CDKN2B-AS1: variants seen among roughly 807,000 people sequenced by gnomAD.
CDKN2B-AS1 encodes the protein CDKN2B and CDKN2A antisense cis and trans regulatory RNA 1, also known as CDKN2B antisense RNA 1 (non-protein coding).
intron 1 of CDKN2B-AS1, chr9:22,004,626 A>T (rs577566745): frequency 4.3e-6 from 1 of 232,602 alleles, no homozygotes; most frequent in East Asian, 6.1e-5. Flanking sequence ...TGATATAATG[A>T]TCAAGCAACC....
At chr9:22,076,671 G>A (rs73448354) in intron 4 of CDKN2B-AS1, among the ~76,000 whole-genome samples, 13,226 of 151,872 alleles carry the variant, frequency 0.087, 1,586 homozygotes, top group African/African-American at 0.28. Context: ...AATCCTGAAC[G>A]CAATACACCA....
intron 4 of CDKN2B-AS1, among the ~76,000 whole-genome samples, chr9:22,070,213 G>C (rs1451381902): frequency 6.6e-6 from 1 of 152,176 alleles, no homozygotes; most frequent in African/African-American, 2.4e-5. Context: ...ACAGGAGTCA[G>C]TAATGTTCCA....
At chr9:22,038,737 C>T (rs990462548) in intron 1 of CDKN2B-AS1, among the ~76,000 whole-genome samples, 2 of 151,970 alleles carry the variant, frequency 1.3e-5, no homozygotes, top group African/African-American at 4.8e-5. Flanking sequence ...AATGCTGATG[C>T]ATTTTTAATG....
intron 4 of CDKN2B-AS1, among the ~76,000 whole-genome samples, chr9:22,095,833 A>G (rs1334838418): frequency 6.7e-6 from 1 of 150,212 alleles, no homozygotes; most frequent in Non-Finnish European, 1.5e-5. Context: ...ATCCCTTACC[A>G]TTATGTAATG....
intron 4 of CDKN2B-AS1, among the ~76,000 whole-genome samples, chr9:22,099,945 A>G (rs1338015286): frequency 6.6e-6 from 1 of 152,136 alleles, no homozygotes; most frequent in Admixed American, 6.5e-5. Context: ...CAGCGGTAGG[A>G]AAATTTTTCA....
intron 4 of CDKN2B-AS1, among the ~76,000 whole-genome samples, chr9:22,081,853 G>A (rs560677764): frequency 1.8e-4 from 27 of 152,324 alleles, no homozygotes; most frequent in African/African-American, 5.3e-4. Flanking sequence ...AGTGAAAGCT[G>A]GCTATCATCA....
intron 4 of CDKN2B-AS1, among the ~76,000 whole-genome samples, chr9:22,063,581 AC>A (rs969672092): frequency 1.3e-5 from 2 of 152,250 alleles, no homozygotes; most frequent in Non-Finnish European, 2.9e-5. Flanking sequence ...CCTTGTAGGT[AC>A]CAAGATTGCA....
chr9:22,108,680 T>C (rs984706579), intron 4 of CDKN2B-AS1, among the ~76,000 whole-genome samples: 1 of 152,214 alleles, frequency 6.6e-6, no homozygotes, highest in Non-Finnish European at 1.5e-5. Flanking sequence ...TTGAGCAGTT[T>C]CACAATTTAA....
intron 1 of CDKN2B-AS1, among the ~76,000 whole-genome samples, chr9:22,015,812 T>C (rs1006554021): frequency 6.6e-6 from 1 of 152,192 alleles, no homozygotes; most frequent in African/African-American, 2.4e-5. Context: ...TGGTATCTCA[T>C]TGTGGTTTTG....
intron 4 of CDKN2B-AS1, among the ~76,000 whole-genome samples, chr9:22,115,433 G>A (rs991556045): frequency 2.0e-5 from 3 of 152,160 alleles, no homozygotes; most frequent in Non-Finnish European, 2.9e-5. Context: ...AGAAGCGAGG[G>A]AGACTTAAAC....
At chr9:22,043,430 A>G (rs571932510) in intron 1 of CDKN2B-AS1, among the ~76,000 whole-genome samples, 5 of 152,116 alleles carry the variant, frequency 3.3e-5, no homozygotes, top group African/African-American at 1.2e-4. Flanking sequence ...ACACAGACAC[A>G]CATGCGCTGT....
intron 4 of CDKN2B-AS1, among the ~76,000 whole-genome samples, chr9:22,097,579 C>T (rs578204017): frequency 6.6e-6 from 1 of 152,210 alleles, no homozygotes; most frequent in African/African-American, 2.4e-5. Context: ...CTTTTGCTTT[C>T]CGTACAGACA....
chr9:22,022,928 T>G lies in CDKN2B-AS1; in HGVS notation n.30-23823T>G, dbSNP rs537964394. On this transcript the variant is annotated intron_variant and non_coding_transcript_variant, in intron 1 of 4. Coordinates refer to ENST00000650946, the Ensembl canonical transcript of CDKN2B-AS1. ...ATAAAATTCTGGGTTGGAGTTTCTTTTCTTTAAAAACATTGAATATTGGCC... is the reference window on the plus strand; with the variant it reads ...ATAAAATTCTGGGTTGGAGTTTCTTGTCTTTAAAAACATTGAATATTGGCC... Among the ~76,000 whole-genome samples the G allele has an allele frequency of 9.2e-5, 14 of 152,348 alleles. No homozygotes were observed. The South Asian group carries it at 2.9e-3, about 32-fold the overall frequency.
intron 1 of CDKN2B-AS1, among the ~76,000 whole-genome samples, chr9:22,034,552 A>G (rs1822607091): frequency 6.6e-6 from 1 of 152,176 alleles, no homozygotes; most frequent in Admixed American, 6.6e-5. Flanking sequence ...AGAATGTCTT[A>G]GTGTAGCTGT....
intron 4 of CDKN2B-AS1, among the ~76,000 whole-genome samples, chr9:22,070,458 G>C (rs993973533): frequency 2.0e-5 from 3 of 152,168 alleles, no homozygotes; most frequent in African/African-American, 7.2e-5. Flanking sequence ...TAGGTAGGAA[G>C]GTCTAAGTAC....
chr9:22,127,465 C>T (rs1818035509), exon 5 of CDKN2B-AS1, among the ~76,000 whole-genome samples: 1 of 152,228 alleles, frequency 6.6e-6, no homozygotes, highest in African/African-American at 2.4e-5. Flanking sequence ...CATTAAATTG[C>T]TTCCCTTTCT....
chr9:22,025,398 TG>T (rs1822189704), intron 1 of CDKN2B-AS1, among the ~76,000 whole-genome samples: 1 of 152,140 alleles, frequency 6.6e-6, no homozygotes, highest in Non-Finnish European at 1.5e-5. Flanking sequence ...ACAGTTCCAT[TG>T]CAGAGGTAGT....
intron 4 of CDKN2B-AS1, among the ~76,000 whole-genome samples, chr9:22,092,790 T>A (rs940662750): frequency 2.6e-5 from 4 of 151,936 alleles, no homozygotes; most frequent in African/African-American, 4.8e-5. Context: ...GATTCATTGA[T>A]TTTTTTGGAG....
At chr9:22,110,576 A>T (rs1009017034) in intron 4 of CDKN2B-AS1, among the ~76,000 whole-genome samples, 1 of 152,160 alleles carries the variant, frequency 6.6e-6, no homozygotes, top group African/African-American at 2.4e-5. Context: ...GTCACTAAAC[A>T]TGTAGGATCT....
Sources: gnomAD v4.1 joint callset for allele counts (sites outside exome capture counted in the v4.1 genomes callset) on GRCh38, gnomAD v4.1.1 for gene constraint, MANE v1.5 for transcripts, NCBI Gene and HGNC (gene_info 2026-07-23, HGNC 2026-07-21) for gene names.